The following NRG2 variants were observed in gnomAD, a reference collection of about 807,000 sequenced individuals.
The protein encoded by NRG2 is neuregulin 2, also known as pro-neuregulin-2, membrane-bound isoform.
Under a neutral mutation model 73.9 loss-of-function variants are expected in NRG2, and 27 were observed. The ratio of observed to expected loss-of-function variants is 0.37; its 90% CI spans 0.27 to 0.50. The LOEUF (loss-of-function observed/expected upper bound fraction) is 0.50. Ranked by LOEUF, NRG2 falls within the 20% of genes least tolerant of loss-of-function variation. The pLI is 0.96. For synonymous variants in NRG2, 532 were observed against 541.0 expected (o/e 0.98, Z 0.23); for missense variants, 1,126 against 1,210.1 (o/e 0.93, Z 1.03).
intron 1 of NRG2, among the ~76,000 whole-genome samples, chr5:139,935,866 C>A (rs1350656801): frequency 6.8e-6 from 1 of 147,830 alleles, no homozygotes; most frequent in African/African-American, 2.5e-5. Context: ...GGCCGAGGCA[C>A]AAGAATCGCT....
Position 139,870,645 on chromosome 5 carries a change from G to A in NRG2, c.1112+1076C>T, listed in dbSNP as rs891125811. Among the ~76,000 whole-genome samples, 1 of 152,124 alleles carries A rather than the reference G, an allele frequency of 6.6e-6. No individual in the cohort carries two copies. Among genetic ancestry groups the A allele is most frequent in the African/African-American group, 2.4e-5 (1 of 41,408 alleles). On this transcript the variant is annotated intron_variant, in intron 4 of 9. Coordinates refer to ENST00000361474, the MANE Select transcript of NRG2 (RefSeq NM_004883.3). This position sits in a 1 kb window ranked among gnomAD's most constrained non-coding sequence, Gnocchi z 4.4. ...CCTTTGCCCAGATGCCATGGGAATGGGGCAGCTTTAGCAACTTGCCAGGGC... is the reference window on the plus strand; with the variant it reads ...CCTTTGCCCAGATGCCATGGGAATGAGGCAGCTTTAGCAACTTGCCAGGGC...
In NRG2 at chr5:139,856,916, C is replaced by T. The variant is rs778941860; in HGVS notation, c.1190-1138G>A. ...GATGGAGTTGTAAACAACCAGACCT[C>T]CACCCTAGGTCCCCATCTCTTGGCT... is the stretch of plus-strand genomic sequence containing the variant. On this transcript the variant is annotated intron_variant, in intron 5 of 9. Transcript: ENST00000361474. This position sits in a 1 kb window ranked among gnomAD's most constrained non-coding sequence, Gnocchi z 4.2. Among the ~76,000 whole-genome samples, 8 of 152,198 alleles carry T rather than the reference C, an allele frequency of 5.3e-5. No homozygotes were observed. Among genetic ancestry groups the T allele is most frequent in the Non-Finnish European group, 1.2e-4 (8 of 68,030 alleles).
At position 139,921,616 on chromosome 5, in the gene NRG2, T is replaced by A. The variant is rs191470122; in HGVS notation, c.701-34105A>T. Among the ~76,000 whole-genome samples the A allele has an allele frequency of 1.8e-4, 27 of 151,186 alleles. 1 individual carries two copies. The highest frequency in any genetic ancestry group is 5.3e-4 in the Admixed American group (8 of 15,198). On this transcript the variant is annotated intron_variant, in intron 1 of 9. Coordinates refer to ENST00000361474, the MANE Select transcript of NRG2 (RefSeq NM_004883.3). ...CTCACAAATATCAACTCAAAATGGA[T>A]CACAGACCTAAATATAAAATCCAAA...
At chr5:139,871,604 C>T in intron 4 of NRG2, 117 bp downstream of exon 4, 1 of 1,357,500 alleles carries the variant, frequency 7.4e-7, no homozygotes, top group East Asian at 2.3e-5. Context: ...CCTGTCTACA[C>T]CCCTTGGGGA....
rs1309096460 is a variant in NRG2 at position 139,865,427 on chromosome 5, A to T, written c.1189+122T>A. ...CCAAAATACAAAAAAGAAAAGAGAA[A>T]CAAAACAAAACAGCCAAAGATCAAA... On this transcript the variant is annotated intron_variant, in intron 5 of 9. Coordinates refer to ENST00000361474, the MANE Select transcript of NRG2 (RefSeq NM_004883.3). The surrounding 1 kb of genome is among the most constrained non-coding windows in gnomAD (Gnocchi z 5.2). The T allele has an allele frequency of 1.3e-6, 1 of 783,196 alleles. No individual in the cohort carries two copies. The highest frequency in any genetic ancestry group is 2.2e-6 in the Non-Finnish European group (1 of 464,200). 48.5% of individuals were successfully genotyped at this position (783,196 alleles called of 1,614,324 possible).
chr5:140,035,437 G>A (rs2126701251), intron 1 of NRG2, among the ~76,000 whole-genome samples: 1 of 152,248 alleles, frequency 6.6e-6, no homozygotes, highest in South Asian at 2.1e-4. Context: ...ATCAATGATG[G>A]TGACTGTATC....
chr5:139,895,758 C>T (rs1010245579), intron 1 of NRG2, among the ~76,000 whole-genome samples: 2 of 152,228 alleles, frequency 1.3e-5, no homozygotes, highest in African/African-American at 4.8e-5. Context: ...ATCATCTCTT[C>T]AGCTGCTGAG....
intron 1 of NRG2, among the ~76,000 whole-genome samples, chr5:139,934,592 T>C (rs180884076): frequency 6.6e-6 from 1 of 151,968 alleles, no homozygotes; most frequent in East Asian, 1.9e-4. Flanking sequence ...ATAGAAAACA[T>C]AGTCAAATGG....
chr5:139,989,946 G>A lies in NRG2; in HGVS notation c.700+52424C>T, dbSNP rs555735257. ...TGGGACTACAGGTGCCCACCACCACGCCCAGCTAATTTTTTGTATTTTTAG... is the reference window on the plus strand; with the variant it reads ...TGGGACTACAGGTGCCCACCACCACACCCAGCTAATTTTTTGTATTTTTAG... On this transcript the variant is annotated intron_variant, in intron 1 of 9. Transcript: ENST00000361474. 4.7e-3 allele frequency among the ~76,000 whole-genome samples: 697 copies of A among 149,380 alleles called. 13 individuals carry two copies. Among genetic ancestry groups the A allele is most frequent in the Non-Finnish European group, 7.1e-3 (473 of 66,668 alleles).
intron 1 of NRG2, among the ~76,000 whole-genome samples, chr5:139,996,056 A>G (rs2126607652): frequency 6.6e-6 from 1 of 152,308 alleles, no homozygotes; most frequent in Non-Finnish European, 1.5e-5. Flanking sequence ...AAAACATCAG[A>G]AAGTTATTTA....
chr5:139,967,424 C>A (rs770554408), intron 1 of NRG2, among the ~76,000 whole-genome samples: 1 of 152,202 alleles, frequency 6.6e-6, no homozygotes, highest in Non-Finnish European at 1.5e-5. Flanking sequence ...CCTCATCCTG[C>A]AGCCCAACAA....
intron 1 of NRG2, among the ~76,000 whole-genome samples, chr5:139,940,813 G>T (rs1753337072): frequency 6.6e-6 from 1 of 152,082 alleles, no homozygotes; most frequent in Non-Finnish European, 1.5e-5. Flanking sequence ...TTTCCATCAT[G>T]CATTCTTGGA....
intron 4 of NRG2, among the ~76,000 whole-genome samples, chr5:139,867,787 T>A (rs868628709): frequency 2.6e-4 from 36 of 137,148 alleles, no homozygotes; most frequent in African/African-American, 7.5e-4. Flanking sequence ...TGTGTGTGTG[T>A]GTGTGTGTGT....
intron 1 of NRG2, among the ~76,000 whole-genome samples, chr5:140,027,826 T>C (rs2126682312): frequency 6.6e-6 from 1 of 152,208 alleles, no homozygotes; most frequent in African/African-American, 2.4e-5. Context: ...AAAAGGGACA[T>C]CTACAAGTAG....
chr5:139,923,463 C>G (rs528767238), intron 1 of NRG2, among the ~76,000 whole-genome samples: 1 of 152,238 alleles, frequency 6.6e-6, no homozygotes, highest in Admixed American at 6.5e-5. Context: ...GCTAAGAAAC[C>G]CTGGTTCCTG....
chr5:140,001,967 G>A (rs1758520184), intron 1 of NRG2, among the ~76,000 whole-genome samples: 1 of 152,070 alleles, frequency 6.6e-6, no homozygotes, highest in South Asian at 2.1e-4. Context: ...AGGGTTCCTT[G>A]AGCCCACGAG....
At position 139,851,699 on chromosome 5, in the gene NRG2, C is replaced by T. The variant is rs1413352217; in HGVS notation, c.1677G>A (p.Arg559=). 3.1e-6 allele frequency: 5 copies of T among 1,614,156 alleles called. No individual in the cohort carries two copies. The East Asian group carries it at 6.7e-5, about 22-fold the overall frequency. The part of the protein sequence containing the change: ...SPACVEARAR[R]AAAYNLEERR... ...GCTCCTCCAGGTTGTAGGCTGCTGC[C>T]CGCCTTGCCCGGGCCTCCACACATG... The change falls in exon 9 of 10, where the codon CGG becomes CGA. Residue 559 remains arginine (R), a synonymous_variant. Coordinates refer to ENST00000361474, the MANE Select transcript of NRG2 (RefSeq NM_004883.3). The surrounding 1 kb of genome is among the most constrained non-coding windows in gnomAD (Gnocchi z 4.2).
chr5:140,042,820 G>A lies in NRG2; in HGVS notation c.250C>T (p.Arg84Cys). 3 of 1,479,118 alleles carry A rather than the reference G, an allele frequency of 2.0e-6. No individual in the cohort carries two copies. The highest frequency in any genetic ancestry group is 1.5e-5 in the African/African-American group (1 of 68,698). The allele number at this position is 1,479,118 out of a possible 1,614,324, so 91.6% of individuals were successfully genotyped here. ...CCGCCGGCGGCTGCGGCTCGCGAAC[G>A]GGCGGCGGCTCTCCGGGCTGCGGGG... ...RSPAARRAAA[R>C]SRAAAAGGMR... is the part of the protein sequence containing the mutation. The change falls in exon 1 of 10, where the codon CGT (arginine) becomes TGT (cysteine). Residue 84 changes from arginine to cysteine, a missense_variant. Physicochemically the swap from Arg to Cys is radical, Grantham distance 180. This residue lies in a region of NRG2 where 185 missense variants were observed against 149.0 expected (regional missense o/e 1.24). Transcript: ENST00000361474.
At chr5:139,871,956 G>A (rs1561643084) in intron 3 of NRG2, 115 bp from the exon 4 acceptor site, 2 of 1,408,890 alleles carry the variant, frequency 1.4e-6, no homozygotes, top group African/African-American at 1.4e-5. Context: ...CTGCAGGAAT[G>A]ACTGGGGAGG....
Sources: allele counts gnomAD v4.1 joint callset (sites outside exome capture counted in the v4.1 genomes callset), GRCh38; gene constraint gnomAD v4.1.1; regional missense constraint gnomAD v4.1.1; non-coding constraint Gnocchi (gnomAD v3.1); transcripts MANE v1.5; gene names NCBI Gene and HGNC (gene_info 2026-07-23, HGNC 2026-07-21).